IQCH: variants seen among roughly 807,000 people sequenced by gnomAD.
The protein encoded by IQCH is IQ domain-containing protein H.
In IQCH, 98 loss-of-function variants were observed where a neutral mutation model predicts 117.0. The ratio of observed to expected loss-of-function variants is 0.84; its 90% CI spans 0.71 to 0.99. IQCH has a LOEUF of 0.99. Ranked by LOEUF, IQCH falls within the 50% of genes least tolerant of loss-of-function variation. The pLI is 0.00. For missense variants in IQCH, 1,102 were observed against 1,243.8 expected, an observed-to-expected ratio of 0.89 and a Z score of 1.72; for synonymous variants, 412 against 448.2, an observed-to-expected ratio of 0.92 and a Z score of 1.02.
intron 4 of IQCH, chr15:67,281,649 A>G (rs1038061977): frequency 2.2e-6 from 1 of 453,440 alleles, no homozygotes; most frequent in African/African-American, 2.0e-5. Context: ...TGGAAAGGGG[A>G]GGCCTTGGCA....
At position 67,407,631 on chromosome 15, in the gene IQCH, C is replaced by A. The variant is rs1596321096; in HGVS notation, c.2097+7326C>A. 1.3e-5 allele frequency: 2 copies of A among 152,268 alleles called. No individual in the cohort carries two copies. Among genetic ancestry groups the A allele is most frequent in the South Asian group, 4.1e-4 (2 of 4,822 alleles). The allele number at this position is 152,268 out of a possible 1,614,324, so 9.4% of individuals were successfully genotyped here. The stretch of plus-strand genomic sequence containing the variant: ...ATATGCTTCTAATCAGTACATAAAG[C>A]TATGGGCCTGCAGTGTTAATTTTTA... On this transcript the variant is annotated intron_variant, in intron 14 of 20. Transcript: ENST00000335894. This position sits in a 1 kb window ranked among gnomAD's most constrained non-coding sequence, Gnocchi z 5.3.
chr15:67,400,338 G>A (rs756539569), intron 14 of IQCH, 33 bp downstream of exon 14: 7 of 1,542,618 alleles, frequency 4.5e-6, no homozygotes, highest in Middle Eastern at 1.7e-4. Context: ...AACCCGCAGG[G>A]TCTGTGAACA....
chr15:67,277,565 G>A (rs1011030770), intron 3 of IQCH, among the ~76,000 whole-genome samples: 44 of 133,520 alleles, frequency 3.3e-4, no homozygotes, highest in African/African-American at 1.1e-3. Flanking sequence ...ACGGAGTCTC[G>A]CTCTGTCACC....
At chr15:67,340,434 A>C (rs1407565736) in intron 5 of IQCH, among the ~76,000 whole-genome samples, 1 of 35,458 alleles carries the variant, frequency 2.8e-5, no homozygotes. Context: ...CTCAAAAAAA[A>C]AAAAAAAAAA....
At chr15:67,271,634 T>G (rs890108229) in intron 3 of IQCH, among the ~76,000 whole-genome samples, 5 of 152,206 alleles carry the variant, frequency 3.3e-5, no homozygotes, top group Non-Finnish European at 7.3e-5. Context: ...TCTTTATGGT[T>G]CAATCTTGGT....
chr15:67,343,056 T>C (rs895755259), intron 5 of IQCH, among the ~76,000 whole-genome samples: 2 of 152,188 alleles, frequency 1.3e-5, no homozygotes, highest in Admixed American at 1.3e-4. Context: ...CCTTCAGTGA[T>C]CATTCTACTG....
At chr15:67,273,474 TAA>T (rs763485058) in intron 3 of IQCH, among the ~76,000 whole-genome samples, 1 of 152,230 alleles carries the variant, frequency 6.6e-6, no homozygotes, top group African/African-American at 2.4e-5. Flanking sequence ...CTAGATATAA[TAA>T]GTTATTTTAA....
chr15:67,345,633 A>C (rs1343193411), intron 6 of IQCH, among the ~76,000 whole-genome samples: 1 of 152,198 alleles, frequency 6.6e-6, no homozygotes, highest in Non-Finnish European at 1.5e-5. Context: ...CATTCTACAA[A>C]ATACCTGACC....
intron 5 of IQCH, among the ~76,000 whole-genome samples, chr15:67,343,537 T>A (rs973446453): frequency 2.0e-5 from 3 of 152,240 alleles, no homozygotes; most frequent in South Asian, 2.1e-4. Context: ...TGCCCAGTTG[T>A]ATTAAAATAA....
chr15:67,420,128 A>G (rs1003018305), intron 15 of IQCH, among the ~76,000 whole-genome samples: 2 of 152,248 alleles, frequency 1.3e-5, no homozygotes, highest in African/African-American at 4.8e-5. Context: ...GCATGTCTCA[A>G]ACAAACCAAA....
At chr15:67,268,163 T>C (rs755725516) in intron 3 of IQCH, among the ~76,000 whole-genome samples, 4 of 152,302 alleles carry the variant, frequency 2.6e-5, no homozygotes, top group Admixed American at 2.0e-4. Context: ...CAAAAGATAA[T>C]TTTCCTTTTT....
Position 67,454,236 on chromosome 15 carries a change from C to T in IQCH, c.2506-10891C>T, listed in dbSNP as rs1443452071. Among the ~76,000 whole-genome samples the T allele has an allele frequency of 1.3e-5, 2 of 152,172 alleles. No homozygotes were observed. Among genetic ancestry groups the T allele is most frequent in the African/African-American group, 4.8e-5 (2 of 41,438 alleles). On this transcript the variant is annotated intron_variant, in intron 16 of 20. Coordinates refer to ENST00000335894, the MANE Select transcript of IQCH (RefSeq NM_001031715.3). This position sits in a 1 kb window ranked among gnomAD's most constrained non-coding sequence, Gnocchi z 5.2. ...ATGCATGGTGTGCTGCACCCACCAT[C>T]CTGCGCCTACTGTCTGGCACTCCCC...
intron 14 of IQCH, among the ~76,000 whole-genome samples, chr15:67,410,094 G>A (rs1429336451): frequency 6.6e-6 from 1 of 152,180 alleles, no homozygotes; most frequent in African/African-American, 2.4e-5. Flanking sequence ...CAGAATGAGA[G>A]TTACCAGTGC....
intron 4 of IQCH, among the ~76,000 whole-genome samples, chr15:67,302,985 G>A (rs761846402): frequency 1.3e-5 from 2 of 152,170 alleles, no homozygotes; most frequent in African/African-American, 2.4e-5. Context: ...AGATATTTTT[G>A]TAGCCTTCTT....
intron 16 of IQCH, among the ~76,000 whole-genome samples, chr15:67,440,053 C>G (rs1292648688): frequency 1.3e-5 from 2 of 152,028 alleles, no homozygotes; most frequent in Non-Finnish European, 1.5e-5. Context: ...ACTGACACCG[C>G]AGAAAGACAA....
intron 1 of IQCH, among the ~76,000 whole-genome samples, chr15:67,256,975 G>T (rs1965245295): frequency 1.3e-5 from 2 of 152,224 alleles, no homozygotes; most frequent in South Asian, 4.1e-4. Context: ...GAGAATGTGT[G>T]AGTATGTAGC....
intron 2 of IQCH, 145 bp downstream of exon 2, chr15:67,261,539 G>T (rs757566600): frequency 4.9e-6 from 3 of 613,968 alleles, no homozygotes; most frequent in African/African-American, 2.0e-5. Flanking sequence ...TTTGTTATTT[G>T]TTCTCATAAT....
chr15:67,459,665 A>T lies in IQCH; in HGVS notation c.2506-5462A>T, dbSNP rs2141010332. The stretch of plus-strand genomic sequence containing the variant: ...ATCTGGGCAAGCTGACCTTTGCCTG[A>T]CTCCTGCCCTGTCTGCTGGCTCTCA... On this transcript the variant is annotated intron_variant, in intron 16 of 20. Transcript: ENST00000335894. The surrounding 1 kb of genome is among the most constrained non-coding windows in gnomAD (Gnocchi z 4.2). 1 of 151,724 alleles carries T rather than the reference A, an allele frequency of 6.6e-6. No individual in the cohort carries two copies. The highest frequency in any genetic ancestry group is 2.1e-4 in the South Asian group (1 of 4,776). 9.4% of individuals were successfully genotyped at this position (151,724 alleles called of 1,614,324 possible).
At chr15:67,362,925 C>T (rs1173753555) in intron 8 of IQCH, among the ~76,000 whole-genome samples, 1 of 152,230 alleles carries the variant, frequency 6.6e-6, no homozygotes, top group Non-Finnish European at 1.5e-5. Flanking sequence ...AAGCCTACTT[C>T]TTAAAAGGCA....
Sources: allele counts gnomAD v4.1 joint callset (sites outside exome capture counted in the v4.1 genomes callset), GRCh38; gene constraint gnomAD v4.1.1; non-coding constraint Gnocchi (gnomAD v3.1); transcripts MANE v1.5; gene names NCBI Gene and HGNC (gene_info 2026-07-23, HGNC 2026-07-21).